The following NDUFS4 variants were observed in gnomAD, a reference collection of about 807,000 sequenced individuals.
NDUFS4 encodes the protein NADH dehydrogenase [ubiquinone] iron-sulfur protein 4, mitochondrial.
Under a neutral mutation model 24.3 loss-of-function variants are expected in NDUFS4, and 28 were observed. The observed-to-expected ratio is 1.15, with a 90% confidence interval of 0.85 to 1.58. The LOEUF is 1.58. Ranked by LOEUF, NDUFS4 falls within the 40% of genes most tolerant of loss-of-function variation. The pLI, the probability that NDUFS4 is intolerant of heterozygous loss-of-function variation, is 0.00. For synonymous variants in NDUFS4, 93 were observed against 69.7 expected, an observed-to-expected ratio of 1.34 and a Z score of -1.67; for missense variants, 223 against 207.9, an observed-to-expected ratio of 1.07 and a Z score of -0.45.
chr5:53,571,986 A>G (rs556731158), intron 1 of NDUFS4, among the ~76,000 whole-genome samples: 2 of 152,366 alleles, frequency 1.3e-5, no homozygotes, highest in East Asian at 3.9e-4. Flanking sequence ...GCCCCCTACA[A>G]CTAAAGACAG....
chr5:53,591,909 G>A (rs1749972887), intron 1 of NDUFS4, among the ~76,000 whole-genome samples: 2 of 151,894 alleles, frequency 1.3e-5, no homozygotes, highest in South Asian at 4.2e-4. Flanking sequence ...TTTTCAGTTG[G>A]GTTGTTTGTT....
intron 2 of NDUFS4, among the ~76,000 whole-genome samples, chr5:53,629,134 T>C (rs960002245): frequency 1.5e-4 from 23 of 152,166 alleles, no homozygotes; most frequent in Admixed American, 1.5e-3. Context: ...ATTTTGTTAT[T>C]TACCCAGTAG....
intron 2 of NDUFS4, among the ~76,000 whole-genome samples, chr5:53,616,240 A>G (rs113042432): frequency 0.012 from 1,817 of 150,846 alleles, 25 homozygotes; most frequent in Non-Finnish European, 0.017. Flanking sequence ...AGCATATTCT[A>G]GGCCCTGGGG....
intron 2 of NDUFS4, among the ~76,000 whole-genome samples, chr5:53,639,025 T>A (rs1050443974): frequency 1.3e-5 from 2 of 152,100 alleles, no homozygotes; most frequent in Non-Finnish European, 1.5e-5. Context: ...TTTCTCTTCC[T>A]GCTTTTTTCT....
At chr5:53,575,974 CT>C (rs869290354) in intron 1 of NDUFS4, among the ~76,000 whole-genome samples, 1 of 152,222 alleles carries the variant, frequency 6.6e-6, no homozygotes, top group Non-Finnish European at 1.5e-5. Flanking sequence ...AAAATCATGA[CT>C]TTTATTTAAA....
rs752064385 is a variant in NDUFS4 at position 53,683,120 on chromosome 5, T to G, written c.427T>G (p.Trp143Gly). Residue 143 changes from tryptophan to glycine, a missense_variant and splice_region_variant, in exon 5 of 5, where the codon TGG becomes GGG. Physicochemically the swap from Trp to Gly is radical, Grantham distance 184. Transcript: ENST00000296684. ...DAVSFAEKNGWSYDIEERKVP... is the reference protein window; with the variant it reads ...DAVSFAEKNGGSYDIEERKVP... Reference sequence around the variant, plus strand: ...TTGTCTTTGTTTTTTCCTCCTAGGATGGAGCTATGACATTGAAGAGAGGAA... The same window carrying G: ...TTGTCTTTGTTTTTTCCTCCTAGGAGGGAGCTATGACATTGAAGAGAGGAA... 1 of 1,590,884 alleles carries G rather than the reference T, an allele frequency of 6.3e-7. No individual in the cohort carries two copies. Among genetic ancestry groups the G allele is most frequent in the Non-Finnish European group, 8.6e-7 (1 of 1,159,178 alleles).
intron 2 of NDUFS4, among the ~76,000 whole-genome samples, chr5:53,645,908 G>A (rs1203973384): frequency 6.6e-6 from 1 of 151,994 alleles, no homozygotes; most frequent in Non-Finnish European, 1.5e-5. Flanking sequence ...TGCTCACAAA[G>A]TAAGAGCATT....
intron 1 of NDUFS4, among the ~76,000 whole-genome samples, chr5:53,572,598 C>A (rs1285661881): frequency 6.6e-6 from 1 of 150,896 alleles, no homozygotes. Context: ...TTGTTGAGCT[C>A]TTTGCCTAAC....
At chr5:53,679,522 A>T (rs549662109) in intron 4 of NDUFS4, among the ~76,000 whole-genome samples, 5 of 152,092 alleles carry the variant, frequency 3.3e-5, no homozygotes, top group African/African-American at 1.2e-4. Flanking sequence ...TTTCTTTTAT[A>T]TGTATAAAAC....
chr5:53,676,718 C>T (rs1740480591), intron 4 of NDUFS4, among the ~76,000 whole-genome samples: 1 of 152,190 alleles, frequency 6.6e-6, no homozygotes, highest in South Asian at 2.1e-4. Context: ...CCTGCTTCAC[C>T]TCATTTAGAA....
intron 2 of NDUFS4, among the ~76,000 whole-genome samples, chr5:53,624,326 C>CA (rs1220438787): frequency 6.6e-6 from 1 of 152,056 alleles, no homozygotes; most frequent in Non-Finnish European, 1.5e-5. Context: ...TGTTTTGAAA[C>CA]AAAGATTTCA....
chr5:53,581,565 C>T (rs914422411), intron 1 of NDUFS4, among the ~76,000 whole-genome samples: 7 of 152,150 alleles, frequency 4.6e-5, no homozygotes, highest in Admixed American at 2.0e-4. Context: ...AATTAAGGCT[C>T]TGTCTGCCTA....
At chr5:53,574,096 TTTTA>T (rs1410929194) in intron 1 of NDUFS4, among the ~76,000 whole-genome samples, 4 of 152,214 alleles carry the variant, frequency 2.6e-5, no homozygotes, top group African/African-American at 9.6e-5. Flanking sequence ...TCACTAGGTC[TTTTA>T]TTTCTTTTTC....
intron 4 of NDUFS4, among the ~76,000 whole-genome samples, chr5:53,660,432 C>T (rs1177124888): frequency 6.6e-6 from 1 of 152,084 alleles, no homozygotes; most frequent in Non-Finnish European, 1.5e-5. Context: ...CAAGTCTTTG[C>T]TATTGTGAAT....
At chr5:53,615,861 A>G (rs1355783560) in intron 2 of NDUFS4, among the ~76,000 whole-genome samples, 3 of 152,138 alleles carry the variant, frequency 2.0e-5, no homozygotes, top group Admixed American at 2.0e-4. Flanking sequence ...GCTAACTTAA[A>G]GAACTGAGGA....
chr5:53,571,858 G>A (rs559757382), intron 1 of NDUFS4, among the ~76,000 whole-genome samples: 10 of 151,990 alleles, frequency 6.6e-5, no homozygotes, highest in Non-Finnish European at 1.5e-4. Flanking sequence ...TATGTCTTTT[G>A]CCCATTTTTA....
intron 3 of NDUFS4, among the ~76,000 whole-genome samples, chr5:53,655,775 G>A (rs909714457): frequency 6.6e-6 from 1 of 152,160 alleles, no homozygotes; most frequent in Non-Finnish European, 1.5e-5. Context: ...CATCATTGGA[G>A]TGGATCTGTT....
At chr5:53,616,414 G>A (rs188965839) in intron 2 of NDUFS4, among the ~76,000 whole-genome samples, 196 of 152,174 alleles carry the variant, frequency 1.3e-3, no homozygotes, top group Non-Finnish European at 2.0e-3. Flanking sequence ...GCTGGGGTTT[G>A]GGTGGAATAG....
At chr5:53,674,016 C>A (rs1312152682) in intron 4 of NDUFS4, among the ~76,000 whole-genome samples, 4 of 151,972 alleles carry the variant, frequency 2.6e-5, no homozygotes, top group Non-Finnish European at 5.9e-5. Context: ...GAAAAGATGT[C>A]TTTTCTCACC....
Sources: gnomAD v4.1 joint callset for allele counts (sites outside exome capture counted in the v4.1 genomes callset) on GRCh38, gnomAD v4.1.1 for gene constraint, MANE v1.5 for transcripts, NCBI Gene and HGNC (gene_info 2026-07-23, HGNC 2026-07-21) for gene names.